Variants in MTAP observed in about 807,000 individuals in gnomAD.
MTAP encodes S-methyl-5'-thioadenosine phosphorylase.
In MTAP, 33 loss-of-function variants were observed where a neutral mutation model predicts 33.6. That is an observed-to-expected ratio of 0.98 (90% CI 0.74 to 1.31). The LOEUF (loss-of-function observed/expected upper bound fraction) is 1.31. Ranked by LOEUF, MTAP falls within the 40% of genes most tolerant of loss-of-function variation. The pLI, the probability that MTAP is intolerant of heterozygous loss-of-function variation, is 0.00. For synonymous variants in MTAP, 148 were observed against 125.7 expected (o/e 1.18, Z -1.19); for missense variants, 367 against 360.0 (o/e 1.02, Z -0.16).
At chr9:21,840,340 G>A (rs200289558) in intron 5 of MTAP, among the ~76,000 whole-genome samples, 9 of 152,294 alleles carry the variant, frequency 5.9e-5, no homozygotes, top group African/African-American at 1.4e-4. Flanking sequence ...GGAACTTACC[G>A]GGAAAACCAA....
At position 21,853,105 on chromosome 9, in the gene MTAP, C is replaced by G. The variant is rs77733515; in HGVS notation, c.451-1526C>G. ...GGTGGCTGACATATATTCATAGCCTCCATTTCTTCCTCCTCCTCATAAGCA... is the reference window on the plus strand; with the variant it reads ...GGTGGCTGACATATATTCATAGCCTGCATTTCTTCCTCCTCCTCATAAGCA... On this transcript the variant is annotated intron_variant, in intron 5 of 7. Coordinates refer to ENST00000644715, the MANE Select transcript of MTAP (RefSeq NM_002451.4). 6.7e-3 allele frequency among the ~76,000 whole-genome samples: 1,013 copies of G among 152,248 alleles called. 19 individuals carry two copies. Among genetic ancestry groups the G allele is most frequent in the East Asian group, 0.052 (267 of 5,172 alleles).
chr9:21,906,701 A>C (rs577923300), intron 1 of MTAP, among the ~76,000 whole-genome samples: 1 of 152,368 alleles, frequency 6.6e-6, no homozygotes, highest in East Asian at 1.9e-4. Flanking sequence ...GAATGAAATT[A>C]ATTTAGCTTA....
At chr9:21,928,155 G>A (rs577338559) in intron 1 of MTAP, among the ~76,000 whole-genome samples, 1 of 152,302 alleles carries the variant, frequency 6.6e-6, no homozygotes, top group Non-Finnish European at 1.5e-5. Context: ...CCAATGGATG[G>A]TACATGTTGG....
chr9:21,909,384 G>C (rs1169807576), intron 1 of MTAP, among the ~76,000 whole-genome samples: 2 of 152,102 alleles, frequency 1.3e-5, no homozygotes, highest in Non-Finnish European at 2.9e-5. Context: ...GAGAGTGCAA[G>C]AGAATGTATA....
chr9:21,875,583 C>CTTCT (rs1351508939), intron 1 of MTAP, among the ~76,000 whole-genome samples: 1 of 152,100 alleles, frequency 6.6e-6, no homozygotes, highest in Non-Finnish European at 1.5e-5. Flanking sequence ...GCCCCAGTGT[C>CTTCT]TTCTTTGTGT....
downstream of MTAP, chr9:21,933,324 G>A (rs1357845220): frequency 1.3e-5 from 2 of 152,086 alleles, no homozygotes; most frequent in African/African-American, 2.4e-5. Flanking sequence ...ATCTACAAAG[G>A]AAGTCTCCAT....
At chr9:21,827,118 C>T (rs1276485664) in intron 4 of MTAP, among the ~76,000 whole-genome samples, 2 of 152,192 alleles carry the variant, frequency 1.3e-5, no homozygotes, top group Non-Finnish European at 2.9e-5. Flanking sequence ...AGGGCCACCC[C>T]CTCCCCTATT....
At chr9:21,904,321 A>G (rs889614689) in intron 1 of MTAP, among the ~76,000 whole-genome samples, 2 of 152,172 alleles carry the variant, frequency 1.3e-5, no homozygotes, top group East Asian at 1.9e-4. Context: ...GGGAAATGCA[A>G]CATTTGCGCA....
chr9:21,825,301 A>G (rs559388312), intron 4 of MTAP, among the ~76,000 whole-genome samples: 60 of 152,132 alleles, frequency 3.9e-4, no homozygotes, highest in Non-Finnish European at 7.5e-4. Flanking sequence ...TGTTGCTTCC[A>G]TATCTTGGCT....
At chr9:21,860,101 C>CTGG (rs1825723251) in intron 7 of MTAP, 1 of 152,164 alleles carries the variant, frequency 6.6e-6, no homozygotes. Flanking sequence ...TTTGGGTCTT[C>CTGG]TGGTGGTGGT....
intron 1 of MTAP, among the ~76,000 whole-genome samples, chr9:21,808,568 G>A (rs1227905647): frequency 2.0e-5 from 3 of 148,628 alleles, no homozygotes; most frequent in Non-Finnish European, 4.5e-5. Context: ...CAGCAGCCTG[G>A]GTGACAAAGT....
Position 21,913,613 on chromosome 9 carries a change from A to G in MTAP, c.148-17395A>G, listed in dbSNP as rs191748929. ...AAACTGGACCCCTTCCTTACACCTT[A>G]TACAAAAATTAATTCAGAATGGATT... is the stretch of plus-strand genomic sequence containing the variant. On this transcript the variant is annotated intron_variant, in intron 1 of 1. Coordinates refer to the MTAP transcript ENST00000577563. Among the ~76,000 whole-genome samples the G allele has an allele frequency of 3.1e-4, 47 of 152,358 alleles. 1 individual carries two copies. The East Asian group carries it at 7.3e-3, about 24-fold the overall frequency.
chr9:21,831,561 A>C (rs1440729098), intron 4 of MTAP, among the ~76,000 whole-genome samples: 4 of 152,044 alleles, frequency 2.6e-5, no homozygotes, highest in Non-Finnish European at 5.9e-5. Context: ...TCCTGGCCTC[A>C]AGCAGTCTTC....
chr9:21,812,412 G>C (rs1824374247), intron 1 of MTAP: 1 of 153,392 alleles, frequency 6.5e-6, no homozygotes, highest in African/African-American at 2.4e-5. Flanking sequence ...AGTGTGGCAT[G>C]AGCCACTAGC....
At chr9:21,902,046 T>A (rs957186646) in intron 1 of MTAP, among the ~76,000 whole-genome samples, 1 of 152,190 alleles carries the variant, frequency 6.6e-6, no homozygotes. Context: ...TCTGGGTTCC[T>A]ACAGGCAAGG....
chr9:21,828,268 T>C (rs1182976655), intron 4 of MTAP, among the ~76,000 whole-genome samples: 1 of 152,234 alleles, frequency 6.6e-6, no homozygotes, highest in Non-Finnish European at 1.5e-5. Flanking sequence ...GGATCTTGCA[T>C]GTGTTAACCT....
chr9:21,892,713 A>G (rs770397528), intron 1 of MTAP: 3 of 152,224 alleles, frequency 2.0e-5, no homozygotes, highest in Non-Finnish European at 4.4e-5. Flanking sequence ...TGTTAGACAG[A>G]TCATTGAGGC....
At chr9:21,861,923 T>G in intron 7 of MTAP, 53 bp from the exon 8 acceptor site, 10 of 988,290 alleles carry the variant, frequency 1.0e-5, no homozygotes, top group Non-Finnish European at 1.6e-5. Context: ...TTAACAAACA[T>G]CTCAGTAATT....
At chr9:21,928,329 G>A (rs1372445765) in intron 1 of MTAP, among the ~76,000 whole-genome samples, 1 of 152,164 alleles carries the variant, frequency 6.6e-6, no homozygotes, top group Non-Finnish European at 1.5e-5. Context: ...CCTGCACCTT[G>A]TGAACCACAA....
Sources: gnomAD v4.1 joint callset for allele counts (sites outside exome capture counted in the v4.1 genomes callset) on GRCh38, gnomAD v4.1.1 for gene constraint, MANE v1.5 for transcripts, NCBI Gene and HGNC (gene_info 2026-07-23, HGNC 2026-07-21) for gene names.